The following SEMA3A variants were observed in gnomAD, a reference collection of about 807,000 sequenced individuals.
SEMA3A encodes semaphorin 3A.
Under a neutral mutation model 97.9 loss-of-function variants are expected in SEMA3A, and 29 were observed. That is an observed-to-expected ratio of 0.30 (90% CI 0.22 to 0.40). The LOEUF (loss-of-function observed/expected upper bound fraction) is 0.40. Among genes scored for constraint, SEMA3A ranks in the 10% least tolerant of loss-of-function variants. The pLI, the probability that SEMA3A is intolerant of heterozygous loss-of-function variation, is 1.00. For synonymous variants in SEMA3A, 321 were observed against 323.7 expected, an observed-to-expected ratio of 0.99 and a Z score of 0.09; for missense variants, 763 against 951.3, an observed-to-expected ratio of 0.80 and a Z score of 2.60.
chr7:84,004,519 A>G (rs1790586995), intron 11 of SEMA3A, among the ~76,000 whole-genome samples: 1 of 152,100 alleles, frequency 6.6e-6, no homozygotes, highest in Non-Finnish European at 1.5e-5. Context: ...TTGTAATTTT[A>G]AAGTTCAGAT....
intron 5 of SEMA3A, among the ~76,000 whole-genome samples, chr7:84,048,622 C>T (rs1455715639): frequency 6.6e-6 from 1 of 151,546 alleles, no homozygotes; most frequent in Admixed American, 6.6e-5. Flanking sequence ...TTAAAAAAAT[C>T]GAAAAAATTA....
intron 1 of SEMA3A, among the ~76,000 whole-genome samples, chr7:84,374,110 A>C (rs1803042459): frequency 6.6e-6 from 1 of 152,170 alleles, no homozygotes; most frequent in Non-Finnish European, 1.5e-5. Context: ...AGAGGAGAAA[A>C]CAATGTAAAT....
intron 2 of SEMA3A, among the ~76,000 whole-genome samples, chr7:84,334,909 A>C (rs1196452921): frequency 6.7e-6 from 1 of 148,546 alleles, no homozygotes; most frequent in African/African-American, 2.5e-5. Flanking sequence ...TACTTAGACT[A>C]CCCCCTCATT....
At chr7:84,124,365 T>C in intron 3 of SEMA3A, among the ~76,000 whole-genome samples, 1 of 152,166 alleles carries the variant, frequency 6.6e-6, no homozygotes, top group Non-Finnish European at 1.5e-5. Context: ...GTAAGGAGGT[T>C]GTTTGTTTAC....
chr7:83,977,127 C>A lies in SEMA3A; in HGVS notation c.1717+5G>T. On this transcript the variant is annotated splice_donor_5th_base_variant and intron_variant, in intron 15 of 16. Transcript: ENST00000265362. ...GCAGGTTGAAAGATGAAAAATGTGA[C>A]TTACCATGGTGTAAGTCTGAACAGT... The A allele has an allele frequency of 6.5e-7, 1 of 1,532,544 alleles. No homozygotes were observed. Among genetic ancestry groups the A allele is most frequent in the Non-Finnish European group, 8.8e-7 (1 of 1,135,156 alleles). 94.9% of individuals were successfully genotyped at this position (1,532,544 alleles called of 1,614,324 possible). A position where few individuals can be genotyped will look rare whatever the true frequency, so the allele number is the denominator to read the frequency against.
At chr7:84,354,696 T>C (rs929732994) in intron 2 of SEMA3A, among the ~76,000 whole-genome samples, 7 of 151,698 alleles carry the variant, frequency 4.6e-5, no homozygotes, top group Non-Finnish European at 7.4e-5. Flanking sequence ...TTATTTCATT[T>C]TTTTTCATTA....
chr7:84,123,365 T>C (rs961164276), intron 3 of SEMA3A, among the ~76,000 whole-genome samples: 18 of 151,724 alleles, frequency 1.2e-4, no homozygotes, highest in African/African-American at 4.3e-4. Flanking sequence ...TATTATATAC[T>C]GCATTATATA....
intron 2 of SEMA3A, among the ~76,000 whole-genome samples, chr7:84,324,658 A>T (rs1801730472): frequency 6.6e-6 from 1 of 152,198 alleles, no homozygotes; most frequent in Non-Finnish European, 1.5e-5. Flanking sequence ...AAAATTCAAA[A>T]TAATTTCTGA....
chr7:84,120,152 A>G (rs546121779), intron 3 of SEMA3A, among the ~76,000 whole-genome samples: 1 of 152,056 alleles, frequency 6.6e-6, no homozygotes, highest in Non-Finnish European at 1.5e-5. Context: ...ACCCTAAAAG[A>G]TTTCCAAAAA....
intron 4 of SEMA3A, among the ~76,000 whole-genome samples, chr7:84,097,915 G>A (rs1278916702): frequency 6.6e-6 from 1 of 152,028 alleles, no homozygotes; most frequent in African/African-American, 2.4e-5. Flanking sequence ...AAATACATTT[G>A]TTCCTGCTGG....
At chr7:84,331,101 T>C (rs907094891) in intron 2 of SEMA3A, among the ~76,000 whole-genome samples, 2 of 152,158 alleles carry the variant, frequency 1.3e-5, no homozygotes, top group African/African-American at 2.4e-5. Flanking sequence ...GTGACAGATA[T>C]GGTTTTCTTT....
intron 5 of SEMA3A, among the ~76,000 whole-genome samples, chr7:84,050,108 C>A (rs1410282155): frequency 6.6e-6 from 1 of 151,406 alleles, no homozygotes; most frequent in East Asian, 1.9e-4. Context: ...TTAATCCAGT[C>A]TATCATTGTT....
chr7:84,239,518 G>A (rs2116375762), intron 3 of SEMA3A, among the ~76,000 whole-genome samples: 1 of 151,154 alleles, frequency 6.6e-6, no homozygotes, highest in South Asian at 2.1e-4. Context: ...AATAATTACA[G>A]AACAATTTTT....
intron 2 of SEMA3A, among the ~76,000 whole-genome samples, chr7:84,311,224 A>C (rs1234531050): frequency 6.6e-6 from 1 of 152,020 alleles, no homozygotes; most frequent in Non-Finnish European, 1.5e-5. Flanking sequence ...CCTTCTGGCC[A>C]GCTGGGACTT....
chr7:84,404,164 G>C (rs184428244), intron 1 of SEMA3A, among the ~76,000 whole-genome samples: 1 of 152,196 alleles, frequency 6.6e-6, no homozygotes, highest in East Asian at 1.9e-4. Flanking sequence ...TAGACGAATG[G>C]ATAACTGGAA....
chr7:84,347,209 C>T (rs745822190), intron 2 of SEMA3A, among the ~76,000 whole-genome samples: 2 of 152,048 alleles, frequency 1.3e-5, no homozygotes, highest in Non-Finnish European at 2.9e-5. Context: ...GAAATGAAAA[C>T]ATGCATTTCC....
chr7:84,208,725 T>C (rs948129915), intron 3 of SEMA3A, among the ~76,000 whole-genome samples: 25 of 152,236 alleles, frequency 1.6e-4, no homozygotes, highest in Non-Finnish European at 2.4e-4. Context: ...GCATCTTAAG[T>C]ATAAGTGGAA....
intron 1 of SEMA3A, among the ~76,000 whole-genome samples, chr7:84,433,914 G>T (rs1343367642): frequency 6.6e-6 from 1 of 152,024 alleles, no homozygotes; most frequent in Non-Finnish European, 1.5e-5. Context: ...CACACTTTTT[G>T]ATGGGTTTGT....
At chr7:84,068,958 C>A (rs1793643043) in intron 4 of SEMA3A, among the ~76,000 whole-genome samples, 1 of 152,042 alleles carries the variant, frequency 6.6e-6, no homozygotes, top group South Asian at 2.1e-4. Context: ...ACCTCTTTTA[C>A]CGATACATAA....
Sources: allele counts gnomAD v4.1 joint callset (sites outside exome capture counted in the v4.1 genomes callset), GRCh38; gene constraint gnomAD v4.1.1; transcripts MANE v1.5; gene names NCBI Gene and HGNC (gene_info 2026-07-23, HGNC 2026-07-21).